The following SLC38A8 variants were observed in gnomAD, a reference collection of about 807,000 sequenced individuals.
The protein encoded by SLC38A8 is solute carrier family 38 member 8.
In SLC38A8, 65 loss-of-function variants were observed where a neutral mutation model predicts 46.0. That is an observed-to-expected ratio of 1.41 (90% CI 1.16 to 1.74). The LOEUF (loss-of-function observed/expected upper bound fraction) is 1.74, where lower values mean the gene tolerates loss of function less well. Ranked by LOEUF, SLC38A8 falls within the 40% of genes most tolerant of loss-of-function variation. The pLI is 0.00. For synonymous variants in SLC38A8, 447 were observed against 243.7 expected (o/e 1.83, Z -7.77); for missense variants, 998 against 567.9 (o/e 1.76, Z -7.70).
chr16:84,039,154 C>G (rs1216918418), intron 2 of SLC38A8, among the ~76,000 whole-genome samples: 1 of 152,110 alleles, frequency 6.6e-6, no homozygotes, highest in Admixed American at 6.5e-5. Flanking sequence ...CCTGGAGCCA[C>G]CAGGAGCTCG....
At chr16:84,033,824 T>C (rs2085273363) in intron 3 of SLC38A8, among the ~76,000 whole-genome samples, 3 of 152,146 alleles carry the variant, frequency 2.0e-5, no homozygotes, top group South Asian at 4.1e-4. Flanking sequence ...TGGAGTCAAA[T>C]GGGGGCCTGA....
intron 2 of SLC38A8, among the ~76,000 whole-genome samples, chr16:84,039,342 T>C (rs12716745): frequency 0.63 from 95,940 of 152,120 alleles, 30,584 homozygotes; most frequent in East Asian, 0.84. Flanking sequence ...TTCTCCAATG[T>C]CCTCTCACCC....
intron 3 of SLC38A8, among the ~76,000 whole-genome samples, chr16:84,036,402 G>A (rs561308121): frequency 3.9e-5 from 6 of 152,354 alleles, no homozygotes; most frequent in African/African-American, 1.4e-4. Flanking sequence ...TTCTTTCTCA[G>A]AAGGAGCTGC....
intron 4 of SLC38A8, among the ~76,000 whole-genome samples, chr16:84,032,221 C>T (rs1052522841): frequency 6.6e-6 from 1 of 152,152 alleles, no homozygotes; most frequent in Non-Finnish European, 1.5e-5. Context: ...CGGAGTCTCG[C>T]TCTGTTGCCC....
intron 6 of SLC38A8, among the ~76,000 whole-genome samples, chr16:84,028,841 C>T (rs756185118): frequency 1.8e-4 from 27 of 152,180 alleles, no homozygotes; most frequent in Non-Finnish European, 3.4e-4. Flanking sequence ...CTTCCAGTCA[C>T]CTGGCTGCTG....
intron 10 of SLC38A8, among the ~76,000 whole-genome samples, chr16:84,010,639 T>G (rs2084941984): frequency 6.6e-6 from 1 of 152,086 alleles, no homozygotes; most frequent in African/African-American, 2.4e-5. Context: ...CCCAGCTATG[T>G]GGGAGGCTGA....
At chr16:84,013,217 C>T (rs901657234) in intron 9 of SLC38A8, among the ~76,000 whole-genome samples, 165 bp from the exon 10 acceptor site, 15 of 152,132 alleles carry the variant, frequency 9.9e-5, no homozygotes, top group Non-Finnish European at 2.2e-4. Flanking sequence ...GCTGGAAGGA[C>T]GGGGCTGGAG....
intron 7 of SLC38A8, among the ~76,000 whole-genome samples, chr16:84,018,550 G>A (rs2085058737): frequency 1.3e-5 from 2 of 152,004 alleles, no homozygotes; most frequent in Non-Finnish European, 2.9e-5. Flanking sequence ...AAAGCCACTA[G>A]TGCCATGCCC....
chr16:84,010,978 G>A (rs991400507), intron 10 of SLC38A8, among the ~76,000 whole-genome samples: 2 of 152,142 alleles, frequency 1.3e-5, no homozygotes, highest in Non-Finnish European at 2.9e-5. Flanking sequence ...CCAGAGATGG[G>A]GTAGACAAGG....
Position 84,015,018 on chromosome 16 carries a change from G to A in SLC38A8, c.1162+1501C>T, listed in dbSNP as rs372490995. 5.6e-4 allele frequency among the ~76,000 whole-genome samples: 86 copies of A among 152,218 alleles called. 1 individual carries two copies. Among genetic ancestry groups the A allele is most frequent in the African/African-American group, 1.7e-3 (71 of 41,514 alleles). On this transcript the variant is annotated intron_variant, in intron 9 of 10. Transcript: ENST00000299709. ...GCTTTCTGTTAAGTTTCACCAATGGGCATCTACTTCTTGTCTGTTTGACAT... is the reference window on the plus strand; with the variant it reads ...GCTTTCTGTTAAGTTTCACCAATGGACATCTACTTCTTGTCTGTTTGACAT...
At chr16:84,032,693 C>T (rs189060055) in intron 4 of SLC38A8, among the ~76,000 whole-genome samples, 7 of 152,316 alleles carry the variant, frequency 4.6e-5, no homozygotes, top group Admixed American at 2.0e-4. Context: ...GAGGGAGGCT[C>T]GGGTTTGCTG....
intron 6 of SLC38A8, among the ~76,000 whole-genome samples, chr16:84,024,423 C>G (rs72799222): frequency 0.069 from 10,521 of 152,164 alleles, 918 homozygotes; most frequent in African/African-American, 0.21. Flanking sequence ...AAGCGACCCT[C>G]CTGCTTTGGC....
intron 6 of SLC38A8, among the ~76,000 whole-genome samples, chr16:84,027,446 TC>T (rs1384945643): frequency 6.6e-6 from 1 of 152,194 alleles, no homozygotes; most frequent in Admixed American, 6.5e-5. Flanking sequence ...ACCCCTCTGC[TC>T]CTGAGGCCCC....
At chr16:84,023,626 G>C (rs373739083) in intron 6 of SLC38A8, among the ~76,000 whole-genome samples, 1 of 152,208 alleles carries the variant, frequency 6.6e-6, no homozygotes, top group African/African-American at 2.4e-5. Context: ...GGGCACGCTG[G>C]CTCGCACCTG....
intron 9 of SLC38A8, among the ~76,000 whole-genome samples, chr16:84,015,350 G>T (rs184345606): frequency 6.6e-6 from 1 of 152,106 alleles, no homozygotes; most frequent in African/African-American, 2.4e-5. Context: ...GGCTGTTTGG[G>T]AAGGTTTCCT....
At chr16:84,017,710 G>C (rs981447251) in intron 7 of SLC38A8, among the ~76,000 whole-genome samples, 1 of 152,170 alleles carries the variant, frequency 6.6e-6, no homozygotes, top group Non-Finnish European at 1.5e-5. Context: ...CCAATACCTA[G>C]AATCACACAG....
At chr16:84,011,880 T>C (rs1022811903) in intron 10 of SLC38A8, among the ~76,000 whole-genome samples, 15 of 152,108 alleles carry the variant, frequency 9.9e-5, no homozygotes, top group African/African-American at 3.6e-4. Context: ...CAAGACTCTG[T>C]CTCAAAAACT....
chr16:84,016,787 C>T (rs1015028825), intron 8 of SLC38A8, 60 bp from the exon 9 acceptor site: 3 of 1,544,120 alleles, frequency 1.9e-6, no homozygotes, highest in Admixed American at 1.8e-5. Flanking sequence ...CTCCACCCGA[C>T]AGCTGCTCCC....
rs755696855 is a variant in SLC38A8, at chr16:84,016,639, T to A, written c.1042A>T (p.Met348Leu). Residue 348 changes from methionine (M) to leucine (L), a missense_variant, in exon 9 of 11, where the codon ATG becomes TTG. Transcript: ENST00000299709. ...GTGACCCACAGGATGGTCAGCGGCATCCGGACCCACAGCCCTGAGGGGTCG... is the reference window on the plus strand; with the variant it reads ...GTGACCCACAGGATGGTCAGCGGCAACCGGACCCACAGCCCTGAGGGGTCG... ...LADPSGLWVR[M>L]PLTILWVTVT... 1 of 1,613,852 alleles carries A rather than the reference T, an allele frequency of 6.2e-7. No individual in the cohort carries two copies. Among genetic ancestry groups the A allele is most frequent in the South Asian group, 1.1e-5 (1 of 91,086 alleles).
Sources: allele counts gnomAD v4.1 joint callset (sites outside exome capture counted in the v4.1 genomes callset), GRCh38; gene constraint gnomAD v4.1.1; transcripts MANE v1.5; gene names NCBI Gene and HGNC (gene_info 2026-07-23, HGNC 2026-07-21).